Variants in POLR1A observed in about 807,000 individuals in gnomAD.
POLR1A encodes DNA-directed RNA polymerase I subunit RPA1.
POLR1A carries 84 observed loss-of-function variants against 205.3 expected under a neutral mutation model. The ratio of observed to expected loss-of-function variants is 0.41; its 90% CI spans 0.34 to 0.49. The LOEUF is 0.49. Ranked by LOEUF, POLR1A falls within the 20% of genes least tolerant of loss-of-function variation. The pLI, the probability that POLR1A is intolerant of heterozygous loss-of-function variation, is 0.22. For missense variants in POLR1A, 1,645 were observed against 2,204.5 expected (o/e 0.75, Z 5.08); for synonymous variants, 799 against 863.7 (o/e 0.93, Z 1.31).
At position 86,048,991 on chromosome 2, in the gene POLR1A, G is replaced by A. The variant is rs1377622831; in HGVS notation, c.2527C>T (p.Arg843Ter). 2.5e-6 allele frequency: 4 copies of A among 1,613,984 alleles called. No homozygotes were observed. Among genetic ancestry groups the A allele is most frequent in the Non-Finnish European group, 3.4e-6 (4 of 1,179,956 alleles). The change falls in exon 18 of 34, where the codon CGA becomes TGA. Residue 843 changes from arginine to a stop codon, truncating the protein, a stop_gained. Transcript: ENST00000263857. LOFTEE classifies it high-confidence loss of function. ...LPEAASYDEVRGKWQDAHLGK... is the reference protein window; with the variant it reads ...LPEAASYDEV The stretch of plus-strand genomic sequence containing the variant: ...AGATGGGCATCCTGCCATTTTCCTC[G>A]GACCTCATCATATGATGCGGCTTCT...
At chr2:86,077,701 A>G (rs1398469076) in intron 11 of POLR1A, among the ~76,000 whole-genome samples, 158 bp downstream of exon 11, 1 of 152,126 alleles carries the variant, frequency 6.6e-6, no homozygotes, top group Non-Finnish European at 1.5e-5. Context: ...GAAGAGGCAG[A>G]AGCTAGTTCC....
chr2:86,084,926 A>G (rs999823947), intron 6 of POLR1A, among the ~76,000 whole-genome samples: 1 of 152,140 alleles, frequency 6.6e-6, no homozygotes, highest in Non-Finnish European at 1.5e-5. Flanking sequence ...ACCATAATTT[A>G]AGTAGTCTCT....
At chr2:86,103,520 T>G (rs577808121) in intron 1 of POLR1A, among the ~76,000 whole-genome samples, 1 of 152,218 alleles carries the variant, frequency 6.6e-6, no homozygotes, top group Non-Finnish European at 1.5e-5. Context: ...TAAACTTGTT[T>G]GAAAACTCCA....
rs181815985 is a variant in POLR1A, at chr2:86,020,505, A to C, written c.*6918T>G. ...CGAGGCTGCTGTGAGCCGTGATTGC[A>C]ACCCTGCACTCCAGCCTGGGCAACA... On this transcript the variant is annotated 3_prime_UTR_variant, in exon 34 of 34. Transcript: ENST00000263857. The C allele has an allele frequency of 6.9e-6, 1 of 144,428 alleles. No individual in the cohort carries two copies. The highest frequency in any genetic ancestry group is 2.7e-5 in the African/African-American group (1 of 36,708). The allele number at this position is 144,428 out of a possible 1,614,324, so 8.9% of individuals were successfully genotyped here. A position where few individuals can be genotyped will look rare whatever the true frequency, so the allele number is the denominator to read the frequency against.
chr2:86,071,985 T>C (rs1241073675), intron 12 of POLR1A, among the ~76,000 whole-genome samples: 2 of 152,170 alleles, frequency 1.3e-5, no homozygotes, highest in African/African-American at 2.4e-5. Context: ...TTATTGGAAG[T>C]CTAGTTTCTT....
chr2:86,084,665 CTTTTTTTT>C (rs546893329), intron 6 of POLR1A, among the ~76,000 whole-genome samples: 4 of 127,622 alleles, frequency 3.1e-5, no homozygotes, highest in Admixed American at 8.3e-5. Flanking sequence ...TTGCCTTTTC[CTTTTTTTT>C]TTTTTTTTTT....
At position 86,027,743 on chromosome 2, in the gene POLR1A, G is replaced by GC. The variant is rs1226217292; in HGVS notation, c.5062+141dup. On this transcript the variant is annotated intron_variant, in intron 33 of 33. Transcript: ENST00000263857. Reference sequence around the variant, plus strand: ...AGGCAGCTGTCGTGTCTGCTGTTCAGCCCCCTCCAGCCGCCCCCGCTCCCC... The same window carrying GC: ...AGGCAGCTGTCGTGTCTGCTGTTCAGCCCCCCTCCAGCCGCCCCCGCTCCCC... 3.6e-5 allele frequency: 34 copies of GC among 944,288 alleles called. No individual in the cohort carries two copies. The African/African-American group carries it at 5.4e-4, about 15-fold the overall frequency. The allele number at this position is 944,288 out of a possible 1,614,324, so 58.5% of individuals were successfully genotyped here. A position where few individuals can be genotyped will look rare whatever the true frequency, so the allele number is the denominator to read the frequency against.
At chr2:86,044,370 G>A in intron 21 of POLR1A, 66 bp from the exon 22 acceptor site, 1 of 1,572,200 alleles carries the variant, frequency 6.4e-7, no homozygotes, top group Non-Finnish European at 8.7e-7. Context: ...CTCTGATGAG[G>A]GTTGGGGGCA....
chr2:86,105,648 G>C, intron 1 of POLR1A, 52 bp downstream of exon 1: 3 of 1,276,554 alleles, frequency 2.4e-6, no homozygotes, highest in Admixed American at 3.4e-5. Flanking sequence ...TCGTAGTTTA[G>C]GGCGCCGACC....
intron 12 of POLR1A, among the ~76,000 whole-genome samples, chr2:86,073,216 A>T (rs1339585129): frequency 6.7e-6 from 1 of 148,582 alleles, no homozygotes; most frequent in East Asian, 2.0e-4. Flanking sequence ...AATAAAATAA[A>T]AAAAAAAAAA....
chr2:86,048,021 G>A (rs1021069610), intron 18 of POLR1A, among the ~76,000 whole-genome samples: 1 of 152,170 alleles, frequency 6.6e-6, no homozygotes, highest in Non-Finnish European at 1.5e-5. Context: ...GGAGGTGCTA[G>A]GAAAGCTCCT....
At chr2:86,059,806 T>C (rs1036786928) in intron 14 of POLR1A, among the ~76,000 whole-genome samples, 2 of 152,234 alleles carry the variant, frequency 1.3e-5, no homozygotes, top group African/African-American at 4.8e-5. Flanking sequence ...CCTCATGTGA[T>C]CCACCCACCT....
intron 16 of POLR1A, among the ~76,000 whole-genome samples, chr2:86,051,059 G>A (rs759857556): frequency 5.3e-5 from 8 of 152,278 alleles, no homozygotes; most frequent in South Asian, 4.1e-4. Context: ...AAATCTGGAC[G>A]CAGCCTAAAT....
At chr2:86,088,892 G>T in intron 4 of POLR1A, 22 bp from the exon 5 acceptor site, 2 of 1,507,346 alleles carry the variant, frequency 1.3e-6, no homozygotes, top group Non-Finnish European at 1.8e-6. Flanking sequence ...AAAAAAGTCA[G>T]AGAACCTTGG....
rs1672251155 is a variant in POLR1A at position 86,026,463 on chromosome 2, CCTCT to C, written c.*956_*959del. 6.6e-6 allele frequency: 1 copy of C among 152,210 alleles called. No individual in the cohort carries two copies. The highest frequency in any genetic ancestry group is 2.4e-5 in the African/African-American group (1 of 41,434). The allele number at this position is 152,210 out of a possible 1,614,324, so 9.4% of individuals were successfully genotyped here. A position where few individuals can be genotyped will look rare whatever the true frequency, so the allele number is the denominator to read the frequency against. On this transcript the variant is annotated 3_prime_UTR_variant, in exon 34 of 34. Coordinates refer to ENST00000263857, the MANE Select transcript of POLR1A (RefSeq NM_015425.6). ...GGTTTTACAAAGCCTTTGTATAAGT[CCTCT>C]CTGTCTTTTCTGTCCATGCCAGGGA...
At chr2:86,080,507 A>C (rs3815841) in intron 9 of POLR1A, among the ~76,000 whole-genome samples, 1 of 152,304 alleles carries the variant, frequency 6.6e-6, no homozygotes, top group East Asian at 1.9e-4. Context: ...CCTAGGTGTG[A>C]AATCTCACCA....
intron 3 of POLR1A, among the ~76,000 whole-genome samples, chr2:86,097,384 C>G (rs1293557109): frequency 6.6e-6 from 1 of 152,088 alleles, no homozygotes; most frequent in Non-Finnish European, 1.5e-5. Flanking sequence ...CAGCATCCCA[C>G]TATTAGGCAT....
Position 86,023,740 on chromosome 2 carries a change from G to C in POLR1A, c.*3683C>G, listed in dbSNP as rs1690201931. ...TCTAGTATATATTCAAAGGAAAGCAGGGTCTGAGTTTTTGTTTTTTTTTTT... is the reference window on the plus strand; with the variant it reads ...TCTAGTATATATTCAAAGGAAAGCACGGTCTGAGTTTTTGTTTTTTTTTTT... On this transcript the variant is annotated 3_prime_UTR_variant, in exon 34 of 34. Coordinates refer to ENST00000263857, the MANE Select transcript of POLR1A (RefSeq NM_015425.6). 2 of 142,414 alleles carry C rather than the reference G, an allele frequency of 1.4e-5. No homozygotes were observed. Among genetic ancestry groups the C allele is most frequent in the South Asian group, 4.4e-4 (2 of 4,506 alleles). 8.8% of individuals were successfully genotyped at this position (142,414 alleles called of 1,614,324 possible).
chr2:86,024,099 T>C lies in POLR1A; in HGVS notation c.*3324A>G, dbSNP rs900581581. ...AGCGTTATTTGCAACAGCCAAGAGG[T>C]GGAGGCAACCCAAGTGTCCACCAAC... On this transcript the variant is annotated 3_prime_UTR_variant, in exon 34 of 34. Transcript: ENST00000263857. 4 of 153,730 alleles carry C rather than the reference T, an allele frequency of 2.6e-5. No individual in the cohort carries two copies. The highest frequency in any genetic ancestry group is 7.2e-5 in the African/African-American group (3 of 41,424). The allele number at this position is 153,730 out of a possible 1,614,324, so 9.5% of individuals were successfully genotyped here. A position where few individuals can be genotyped will look rare whatever the true frequency, so the allele number is the denominator to read the frequency against.
Sources: gnomAD v4.1 joint callset for allele counts (sites outside exome capture counted in the v4.1 genomes callset) on GRCh38, gnomAD v4.1.1 for gene constraint, MANE v1.5 for transcripts, NCBI Gene and HGNC (gene_info 2026-07-23, HGNC 2026-07-21) for gene names.